IL1RAPL1: variants seen among roughly 807,000 people sequenced by gnomAD.
The protein encoded by IL1RAPL1 is interleukin-1 receptor accessory protein-like 1.
A neutral mutation model predicts 48.4 loss-of-function variants in IL1RAPL1; 3 were observed. The observed-to-expected ratio is 0.06, with a 90% CI of 0.03 to 0.16. IL1RAPL1 has a LOEUF of 0.16. Ranked by LOEUF, IL1RAPL1 falls within the 10% of genes least tolerant of loss-of-function variation. The pLI, the probability that IL1RAPL1 is intolerant of heterozygous loss-of-function variation, is 1.00. For missense variants in IL1RAPL1, 349 were observed against 530.6 expected, an observed-to-expected ratio of 0.66 and a Z score of 3.36; for synonymous variants, 185 against 187.7, an observed-to-expected ratio of 0.99 and a Z score of 0.12.
At chrX:29,450,911 A>G (rs1934671077) in intron 5 of IL1RAPL1, among the ~76,000 whole-genome samples, 1 of 110,875 alleles carries the variant, frequency 9.0e-6, no homozygotes, top group Non-Finnish European at 1.9e-5. Flanking sequence ...CACTTCCCAT[A>G]CATGATTTAG....
At chrX:28,658,251 T>A (rs1347604905) in intron 1 of IL1RAPL1, among the ~76,000 whole-genome samples, 3 of 112,584 alleles carry the variant, frequency 2.7e-5, no homozygotes, top group Non-Finnish European at 5.6e-5. Flanking sequence ...GGAGTCTCAC[T>A]CTGTTGCCCA....
intron 2 of IL1RAPL1, among the ~76,000 whole-genome samples, chrX:28,857,401 A>G (rs926751697): frequency 1.4e-4 from 16 of 111,927 alleles, no homozygotes. Context: ...TATGCCGTCT[A>G]GAACTTTTCA....
intron 1 of IL1RAPL1, among the ~76,000 whole-genome samples, chrX:28,735,318 A>T (rs1297934279): frequency 5.4e-5 from 6 of 110,449 alleles, no homozygotes; most frequent in South Asian, 3.9e-4. Flanking sequence ...TTTTTTTTTT[A>T]AATCTTCAAA....
intron 5 of IL1RAPL1, among the ~76,000 whole-genome samples, chrX:29,452,877 G>A (rs958005021): frequency 1.0e-3 from 101 of 100,741 alleles, no homozygotes; most frequent in African/African-American, 3.4e-3. Context: ...ATTCATCCTT[G>A]TAAAACCACG....
intron 6 of IL1RAPL1, among the ~76,000 whole-genome samples, chrX:29,848,437 C>CAAAA (rs34964717): frequency 0.018 from 1,649 of 91,839 alleles, 41 homozygotes; most frequent in African/African-American, 0.059. Context: ...CAAAATATAG[C>CAAAA]AAAAAAAAAA....
intron 2 of IL1RAPL1, among the ~76,000 whole-genome samples, chrX:28,794,783 A>C (rs972212285): frequency 3.6e-5 from 4 of 112,297 alleles, no homozygotes; most frequent in Admixed American, 9.5e-5. Context: ...CCAAAGACAC[A>C]GTTTCAGTTC....
intron 6 of IL1RAPL1, among the ~76,000 whole-genome samples, chrX:29,742,621 A>G (rs1440821920): frequency 8.9e-6 from 1 of 111,846 alleles, no homozygotes; most frequent in Non-Finnish European, 1.9e-5. Context: ...GTGCAATACA[A>G]TAGCTTTCTA....
intron 5 of IL1RAPL1, among the ~76,000 whole-genome samples, chrX:29,604,103 G>A (rs1457533877): frequency 8.9e-6 from 1 of 111,952 alleles, no homozygotes; most frequent in Non-Finnish European, 1.9e-5. Flanking sequence ...TTAAGGTAAT[G>A]AAATCCATAA....
chrX:29,319,628 A>AT (rs1379904635), intron 3 of IL1RAPL1, among the ~76,000 whole-genome samples: 9 of 103,371 alleles, frequency 8.7e-5, no homozygotes, highest in East Asian at 6.0e-4. Context: ...GTTGTCTCTC[A>AT]TTTTTTTTTT....
At chrX:28,667,671 A>G (rs1934896966) in intron 1 of IL1RAPL1, among the ~76,000 whole-genome samples, 1 of 112,420 alleles carries the variant, frequency 8.9e-6, no homozygotes, top group Admixed American at 9.4e-5. Context: ...ACAAAGTGCC[A>G]TAGACTGGAT....
chrX:28,914,227 TGGACTCTATACTTA>T (rs1421266204), intron 2 of IL1RAPL1, among the ~76,000 whole-genome samples: 3 of 111,119 alleles, frequency 2.7e-5, no homozygotes, highest in Non-Finnish European at 5.7e-5. Context: ...ACCTCATTTA[TGGACTCTATACTTA>T]GGACTCTATA....
intron 2 of IL1RAPL1, among the ~76,000 whole-genome samples, chrX:28,835,913 G>GT (rs1034977855): frequency 1.8e-5 from 2 of 110,527 alleles, no homozygotes; most frequent in African/African-American, 6.6e-5. Flanking sequence ...TTTTATATTT[G>GT]TTTTTTGAGA....
intron 1 of IL1RAPL1, among the ~76,000 whole-genome samples, chrX:28,689,584 A>G (rs1935153441): frequency 8.9e-6 from 1 of 111,871 alleles, no homozygotes; most frequent in Non-Finnish European, 1.9e-5. Flanking sequence ...ATTTAAAAAT[A>G]TTTTTACTAT....
At chrX:29,773,511 A>G (rs1227127740) in intron 6 of IL1RAPL1, among the ~76,000 whole-genome samples, 1 of 112,595 alleles carries the variant, frequency 8.9e-6, no homozygotes, top group Non-Finnish European at 1.9e-5. Flanking sequence ...TACATACGAA[A>G]GAGTTTAATT....
chrX:29,172,867 T>C (rs1323076128), intron 2 of IL1RAPL1, among the ~76,000 whole-genome samples: 1 of 111,483 alleles, frequency 9.0e-6, no homozygotes, highest in Non-Finnish European at 1.9e-5. Context: ...AGAATCAGGA[T>C]GGGAAGAGGA....
At chrX:29,333,273 G>C (rs1352782153) in intron 3 of IL1RAPL1, among the ~76,000 whole-genome samples, 1 of 109,419 alleles carries the variant, frequency 9.1e-6, no homozygotes, top group Admixed American at 9.4e-5. Flanking sequence ...TGGCCGGGCG[G>C]GGGGCTGACC....
intron 5 of IL1RAPL1, among the ~76,000 whole-genome samples, chrX:29,569,643 AAC>A (rs200378167): frequency 0.052 from 5,638 of 107,569 alleles, 223 homozygotes; most frequent in African/African-American, 0.13. Context: ...AAAAAAAAAA[AAC>A]AACTGCCATT....
intron 5 of IL1RAPL1, among the ~76,000 whole-genome samples, chrX:29,517,801 T>C (rs768415659): frequency 1.8e-5 from 2 of 112,007 alleles, no homozygotes; most frequent in South Asian, 3.7e-4. Context: ...CTAGTAATCA[T>C]TGGGCAGGTG....
chrX:29,426,160 A>G (rs1425370662), intron 5 of IL1RAPL1, among the ~76,000 whole-genome samples: 1 of 112,064 alleles, frequency 8.9e-6, no homozygotes, highest in Non-Finnish European at 1.9e-5. Context: ...AATGTAAATA[A>G]TTGAACTAAA....
Sources: gnomAD v4.1 joint callset for allele counts (sites outside exome capture counted in the v4.1 genomes callset) on GRCh38, gnomAD v4.1.1 for gene constraint, MANE v1.5 for transcripts, NCBI Gene and HGNC (gene_info 2026-07-23, HGNC 2026-07-21) for gene names.